The following SPOCK1 variants were observed in gnomAD, a reference collection of about 807,000 sequenced individuals.
SPOCK1 encodes SPARC (osteonectin), cwcv and kazal like domains proteoglycan 1, also known as testican-1.
SPOCK1 carries 23 observed loss-of-function variants against 55.3 expected under a neutral mutation model. That is an observed-to-expected ratio of 0.42 (90% confidence interval 0.30 to 0.59). The LOEUF (loss-of-function observed/expected upper bound fraction) is 0.59, where lower values mean the gene tolerates loss of function less well. SPOCK1 is among the 20% of genes least tolerant of loss of function. The pLI is 0.22. For synonymous variants in SPOCK1, 226 were observed against 221.0 expected (o/e 1.02, Z -0.20); for missense variants, 499 against 552.5 (o/e 0.90, Z 0.97).
chr5:137,416,318 A>G (rs1452146576), intron 2 of SPOCK1, among the ~76,000 whole-genome samples: 1 of 152,096 alleles, frequency 6.6e-6, no homozygotes, highest in African/African-American at 2.4e-5. Flanking sequence ...AAATGCTTCA[A>G]GCAGAATAAA....
chr5:137,450,222 C>T (rs563483098), intron 2 of SPOCK1, among the ~76,000 whole-genome samples: 12 of 152,272 alleles, frequency 7.9e-5, no homozygotes, highest in African/African-American at 2.2e-4. Context: ...TTGATGACAA[C>T]CATCAGAGGA....
At chr5:137,367,719 C>T (rs1364550275) in intron 2 of SPOCK1, among the ~76,000 whole-genome samples, 2 of 152,224 alleles carry the variant, frequency 1.3e-5, no homozygotes, top group African/African-American at 4.8e-5. Context: ...TCAGGCTAAA[C>T]AGTTTGGAAA....
chr5:137,018,260 G>C (rs1751490152), intron 6 of SPOCK1, among the ~76,000 whole-genome samples: 1 of 152,168 alleles, frequency 6.6e-6, no homozygotes, highest in African/African-American at 2.4e-5. Context: ...AAGAGAAAAG[G>C]GGTTTATTCT....
chr5:137,458,499 T>C (rs986844919), intron 2 of SPOCK1, among the ~76,000 whole-genome samples: 2 of 152,220 alleles, frequency 1.3e-5, no homozygotes, highest in Non-Finnish European at 2.9e-5. Context: ...TGCAAAATAA[T>C]TCACTCTTCC....
At chr5:137,177,989 G>A (rs1754889741) in intron 3 of SPOCK1, among the ~76,000 whole-genome samples, 1 of 152,172 alleles carries the variant, frequency 6.6e-6, no homozygotes, top group African/African-American at 2.4e-5. Context: ...ATGTTGAGAG[G>A]AAAATGTGCC....
intron 6 of SPOCK1, among the ~76,000 whole-genome samples, chr5:137,055,750 C>G (rs1240237770): frequency 6.6e-6 from 1 of 152,160 alleles, no homozygotes; most frequent in East Asian, 1.9e-4. Context: ...CTTGAGACAC[C>G]TTGAGCCCTT....
chr5:137,175,967 G>A (rs1259060370), intron 3 of SPOCK1, among the ~76,000 whole-genome samples: 1 of 152,132 alleles, frequency 6.6e-6, no homozygotes, highest in Non-Finnish European at 1.5e-5. Context: ...AAGGCAGGAG[G>A]CTTGCACTGC....
intron 3 of SPOCK1, among the ~76,000 whole-genome samples, chr5:137,174,030 T>C (rs969498289): frequency 6.6e-6 from 1 of 152,212 alleles, no homozygotes; most frequent in Admixed American, 6.5e-5. Context: ...CTGAACCTGC[T>C]TTAAGAAATT....
At chr5:137,349,358 T>C (rs988640621) in intron 2 of SPOCK1, among the ~76,000 whole-genome samples, 2 of 152,178 alleles carry the variant, frequency 1.3e-5, no homozygotes, top group African/African-American at 4.8e-5. Flanking sequence ...TATTATTGAG[T>C]TCCTAACTTC....
At chr5:137,405,904 G>A (rs910337459) in intron 2 of SPOCK1, among the ~76,000 whole-genome samples, 2 of 152,104 alleles carry the variant, frequency 1.3e-5, no homozygotes, top group African/African-American at 4.8e-5. Flanking sequence ...TGCAATGGCC[G>A]AGTCTCCACC....
intron 6 of SPOCK1, among the ~76,000 whole-genome samples, chr5:137,016,433 T>C (rs892372222): frequency 2.0e-5 from 3 of 152,206 alleles, no homozygotes; most frequent in Non-Finnish European, 4.4e-5. Context: ...AGGAGCTGAA[T>C]AGATAATACG....
chr5:137,104,390 CT>C (rs1016021817), intron 5 of SPOCK1, among the ~76,000 whole-genome samples: 1 of 152,164 alleles, frequency 6.6e-6, no homozygotes, highest in Non-Finnish European at 1.5e-5. Flanking sequence ...AATTAAACCT[CT>C]TTTTTAAAAA....
chr5:137,492,134 A>T (rs772397824), intron 2 of SPOCK1, among the ~76,000 whole-genome samples: 41 of 152,192 alleles, frequency 2.7e-4, no homozygotes, highest in Non-Finnish European at 2.9e-5. Flanking sequence ...GTGGGATCCA[A>T]TGAAACCCCT....
chr5:137,498,396 T>A lies in SPOCK1; in HGVS notation c.163A>T (p.Lys55Ter). The A allele has an allele frequency of 6.2e-7, 1 of 1,605,924 alleles. No individual in the cohort carries two copies. Among genetic ancestry groups the A allele is most frequent in the Non-Finnish European group, 8.5e-7 (1 of 1,176,322 alleles). The change falls in exon 2 of 11, where the codon AAG becomes TAG. Residue 55 changes from lysine to a stop codon, truncating the protein, a stop_gained. Transcript: ENST00000394945. LOFTEE classifies it high-confidence loss of function. ...ACGTCTCGAAAGCGGTTCCAGTACT[T>A]GTCCCGGTCGTACTGGGAGACGGTG... ...LSTVSQYDRDKYWNRFRDDDY... is the reference protein window; with the variant it reads ...LSTVSQYDRD
chr5:137,160,639 T>A (rs185476066), intron 3 of SPOCK1, among the ~76,000 whole-genome samples: 1 of 85,538 alleles, frequency 1.2e-5, no homozygotes, highest in African/African-American at 4.7e-5. Flanking sequence ...TAATATATAA[T>A]ATATATTTTA....
chr5:137,108,954 C>T (rs1026815421), intron 5 of SPOCK1, among the ~76,000 whole-genome samples: 3 of 152,212 alleles, frequency 2.0e-5, no homozygotes, highest in African/African-American at 7.2e-5. Context: ...GCAAACATTT[C>T]CAGAGCTATT....
chr5:137,279,391 T>C (rs934184492), intron 2 of SPOCK1, among the ~76,000 whole-genome samples: 1 of 152,224 alleles, frequency 6.6e-6, no homozygotes, highest in East Asian at 1.9e-4. Flanking sequence ...AATTATTCCA[T>C]AGAACCAGGG....
chr5:137,410,137 A>G (rs994950007), intron 2 of SPOCK1, among the ~76,000 whole-genome samples: 1 of 152,238 alleles, frequency 6.6e-6, no homozygotes, highest in African/African-American at 2.4e-5. Context: ...AGACCTTATT[A>G]TCTTTGCAAG....
chr5:137,269,407 C>A (rs1756917749), intron 2 of SPOCK1, among the ~76,000 whole-genome samples: 1 of 152,146 alleles, frequency 6.6e-6, no homozygotes, highest in South Asian at 2.1e-4. Flanking sequence ...GCTTTGGCTG[C>A]AGCTGAGAGA....
Sources: allele counts gnomAD v4.1 joint callset (sites outside exome capture counted in the v4.1 genomes callset), GRCh38; gene constraint gnomAD v4.1.1; transcripts MANE v1.5; gene names NCBI Gene and HGNC (gene_info 2026-07-23, HGNC 2026-07-21).